ARHGEF6: variants seen among roughly 807,000 people sequenced by gnomAD.
ARHGEF6 encodes the protein rho guanine nucleotide exchange factor 6.
ARHGEF6 carries 9 observed loss-of-function variants against 70.3 expected under a neutral mutation model. The observed-to-expected ratio is 0.13, with a 90% CI of 0.08 to 0.22. The LOEUF is 0.22. ARHGEF6 is among the 10% of genes least tolerant of loss of function. The pLI, the probability that ARHGEF6 is intolerant of heterozygous loss-of-function variation, is 1.00. For missense variants in ARHGEF6, 470 were observed against 563.0 expected (o/e 0.83, Z 1.67); for synonymous variants, 201 against 207.8 (o/e 0.97, Z 0.28).
rs1182718802 is a variant in ARHGEF6 at position 136,679,647 on chromosome X, G to T, written c.1718C>A (p.Thr573Asn). Residue 573 changes from threonine to asparagine, a missense_variant, in exon 16 of 22, where the codon ACC becomes AAC. By Grantham distance (65) the Thr-to-Asn change is moderately conservative. Transcript: ENST00000250617. ...SCSAHSSFSS[T>N]GQPRGPLEPP... ...CTCCAAGGGTCCTCGGGGCTGTCCG[G>T]TAGAGCTAAAAGACTGGGAAAATGT... is the stretch of plus-strand genomic sequence containing the variant. 1.7e-6 allele frequency: 2 copies of T among 1,211,601 alleles called. No individual in the cohort carries two copies.
chrX:136,670,225 G>T (rs990713673), intron 20 of ARHGEF6, among the ~76,000 whole-genome samples: 1 of 111,763 alleles, frequency 8.9e-6, no homozygotes, highest in Non-Finnish European at 1.9e-5. Context: ...TAAATGCTAT[G>T]CAAATATTTG....
At chrX:136,682,702 T>A in intron 13 of ARHGEF6, 56 bp downstream of exon 13, 1 of 988,281 alleles carries the variant, frequency 1.0e-6, no homozygotes, top group Non-Finnish European at 1.4e-6. Flanking sequence ...TGCATCTGGA[T>A]GGAAACCTGT....
chrX:136,779,600 G>T, intron 1 of ARHGEF6, 103 bp from the exon 2 acceptor site: 1 of 706,056 alleles, frequency 1.4e-6, no homozygotes, highest in Non-Finnish European at 2.3e-6. Flanking sequence ...CTCTTAAGGT[G>T]TGGGGCAACA....
intron 5 of ARHGEF6, among the ~76,000 whole-genome samples, chrX:136,741,142 T>C (rs2077037554): frequency 8.9e-6 from 1 of 111,819 alleles, no homozygotes; most frequent in African/African-American, 3.3e-5. Context: ...TGAAAATTAA[T>C]TTTATCTTAA....
intron 3 of ARHGEF6, among the ~76,000 whole-genome samples, chrX:136,746,697 C>T (rs1040151584): frequency 8.9e-6 from 1 of 111,787 alleles, no homozygotes; most frequent in Non-Finnish European, 1.9e-5. Flanking sequence ...GCTCTGTAGT[C>T]ATTCAGATGT....
chrX:136,672,707 G>A (rs1487620149), intron 19 of ARHGEF6, among the ~76,000 whole-genome samples: 3 of 112,383 alleles, frequency 2.7e-5, no homozygotes, highest in African/African-American at 9.7e-5. Context: ...AAAGATGTAG[G>A]TGTCCTCTGC....
intron 6 of ARHGEF6, among the ~76,000 whole-genome samples, chrX:136,721,882 A>G (rs912601693): frequency 3.2e-4 from 36 of 111,220 alleles, no homozygotes; most frequent in African/African-American, 1.1e-3. Context: ...ACTATAGTAA[A>G]TAACAATATA....
In ARHGEF6 at chrX:136,680,863, C is replaced by T; in HGVS notation, c.1572G>A (p.Glu524=). The T allele has an allele frequency of 6.6e-6, 8 of 1,211,793 alleles. No individual in the cohort carries two copies. The highest frequency in any genetic ancestry group is 1.8e-5 in the South Asian group (1 of 56,994). The change falls in exon 15 of 22, where the codon GAG becomes GAA. Residue 524 remains glutamate, a synonymous_variant. Coordinates refer to ENST00000250617, the MANE Select transcript of ARHGEF6 (RefSeq NM_004840.3). ...TGTTGTTACAATGGACCACAATTCTCTCCACTGTGTTACCTACATCCCCCA... is the reference window on the plus strand; with the variant it reads ...TGTTGTTACAATGGACCACAATTCTTTCCACTGTGTTACCTACATCCCCCA... ...CTFEITGNTV[E]RIVVHCNNNQ... is the part of the protein sequence containing the mutation.
intron 19 of ARHGEF6, 79 bp from the exon 20 acceptor site, chrX:136,672,198 C>A: frequency 2.6e-6 from 2 of 767,756 alleles, no homozygotes; most frequent in South Asian, 4.2e-5. Flanking sequence ...TAGTTCTTTT[C>A]CACTATTGTT....
chrX:136,701,101 G>A (rs1292370829), intron 9 of ARHGEF6, among the ~76,000 whole-genome samples: 2 of 111,157 alleles, frequency 1.8e-5, no homozygotes, highest in East Asian at 5.6e-4. Flanking sequence ...AATTTTAAAT[G>A]GAAGAGAATA....
intron 9 of ARHGEF6, among the ~76,000 whole-genome samples, chrX:136,694,038 CT>C (rs1481796005): frequency 9.4e-6 from 1 of 105,962 alleles, no homozygotes; most frequent in African/African-American, 3.6e-5. Context: ...TCTTTTGCTT[CT>C]TTTTTTGTCC....
rs1017190331 is a variant in ARHGEF6, at chrX:136,767,312, G to A, written c.249+12102C>T. ...TCAACCCAGCCGGAGCTGGGACCCTGCCCTGAGCGCGGCCGCCACCAGGGC... is the reference window on the plus strand; with the variant it reads ...TCAACCCAGCCGGAGCTGGGACCCTACCCTGAGCGCGGCCGCCACCAGGGC... On this transcript the variant is annotated intron_variant, in intron 2 of 21. Transcript: ENST00000250617. The A allele has an allele frequency of 1.5e-4, 113 of 753,509 alleles. 1 individual carries two copies. Among genetic ancestry groups the A allele is most frequent in the Non-Finnish European group, 1.7e-4 (107 of 639,230 alleles). The allele number at this position is 753,509 out of a possible 1,213,427, so 62.1% of individuals were successfully genotyped here. A position where few individuals can be genotyped will look rare whatever the true frequency, so the allele number is the denominator to read the frequency against.
intron 2 of ARHGEF6, chrX:136,767,223 G>C (rs931010314): frequency 2.7e-6 from 2 of 753,921 alleles, no homozygotes; most frequent in Non-Finnish European, 3.1e-6. Flanking sequence ...GAAGCCGTTC[G>C]CCCTCCCGAG....
At chrX:136,687,306 G>A (rs1345789793) in intron 11 of ARHGEF6, among the ~76,000 whole-genome samples, 1 of 112,148 alleles carries the variant, frequency 8.9e-6, no homozygotes, top group African/African-American at 3.2e-5. Context: ...ACAGAATTGT[G>A]TGAAATGAAG....
intron 2 of ARHGEF6, among the ~76,000 whole-genome samples, chrX:136,766,399 G>GA (rs1262185965): frequency 9.3e-6 from 1 of 107,345 alleles, no homozygotes; most frequent in Non-Finnish European, 1.9e-5. Flanking sequence ...TTTTGGGGGG[G>GA]GGTTATGCAA....
chrX:136,769,637 A>G (rs1411185946), intron 2 of ARHGEF6, among the ~76,000 whole-genome samples: 1 of 111,233 alleles, frequency 9.0e-6, no homozygotes, highest in Non-Finnish European at 1.9e-5. Flanking sequence ...AATGCAATCA[A>G]AGAGGTACTA....
chrX:136,687,252 C>T lies in ARHGEF6; in HGVS notation c.1245+680G>A, dbSNP rs762145743. On this transcript the variant is annotated intron_variant, in intron 11 of 21. Transcript: ENST00000250617. ...GACACGTCAATTACTGATCTTTCAA[C>T]AAGGATTAATAATTAAACATTAGTC... Among the ~76,000 whole-genome samples, 14 of 112,025 alleles carry T rather than the reference C, an allele frequency of 1.2e-4. No individual in the cohort carries two copies. The South Asian group carries it at 4.8e-3, about 39-fold the overall frequency.
At chrX:136,697,292 C>T (rs1212936102) in intron 9 of ARHGEF6, among the ~76,000 whole-genome samples, 1 of 111,847 alleles carries the variant, frequency 8.9e-6, no homozygotes, top group Non-Finnish European at 1.9e-5. Flanking sequence ...TAAAAGGAGG[C>T]AGGTAGCTCC....
chrX:136,712,569 T>C (rs1037692264), intron 7 of ARHGEF6, among the ~76,000 whole-genome samples: 11 of 112,110 alleles, frequency 9.8e-5, no homozygotes, highest in Non-Finnish European at 1.9e-4. Context: ...TGATCTCTAG[T>C]GAAATTTAAT....
Sources: allele counts gnomAD v4.1 joint callset (sites outside exome capture counted in the v4.1 genomes callset), GRCh38; gene constraint gnomAD v4.1.1; transcripts MANE v1.5; gene names NCBI Gene and HGNC (gene_info 2026-07-23, HGNC 2026-07-21).